The following C1GALT1 variants were observed in gnomAD, a reference collection of about 807,000 sequenced individuals.
C1GALT1 encodes glycoprotein-N-acetylgalactosamine 3-beta-galactosyltransferase 1.
C1GALT1 carries 11 observed loss-of-function variants against 31.0 expected under a neutral mutation model. That is an observed-to-expected ratio of 0.36 (90% confidence interval 0.22 to 0.59). The LOEUF is 0.59. Among genes scored for constraint, C1GALT1 ranks in the 20% least tolerant of loss-of-function variants. C1GALT1 has a pLI of 0.79. For synonymous variants in C1GALT1, 175 were observed against 143.6 expected (o/e 1.22, Z -1.56); for missense variants, 424 against 425.2 (o/e 1.00, Z 0.03).
At chr7:7,209,235 T>C (rs549725304) in intron 1 of C1GALT1, among the ~76,000 whole-genome samples, 2 of 152,362 alleles carry the variant, frequency 1.3e-5, no homozygotes, top group African/African-American at 4.8e-5. Context: ...GACCTTCCAT[T>C]ATAAGTCGCA....
chr7:7,232,515 C>T (rs1562592944), intron 1 of C1GALT1, among the ~76,000 whole-genome samples: 1 of 141,106 alleles, frequency 7.1e-6, no homozygotes, highest in Non-Finnish European at 1.5e-5. Flanking sequence ...TTTTTTGAGA[C>T]AGAGTCTTGC....
chr7:7,229,483 T>G (rs969188860), intron 1 of C1GALT1, among the ~76,000 whole-genome samples: 4 of 152,194 alleles, frequency 2.6e-5, no homozygotes, highest in African/African-American at 9.7e-5. Context: ...TACTTTCATA[T>G]CACATACCTC....
At chr7:7,158,034 A>G (rs1780292550) in intron 2 of C1GALT1, among the ~76,000 whole-genome samples, 1 of 152,204 alleles carries the variant, frequency 6.6e-6, no homozygotes, top group African/African-American at 2.4e-5. Flanking sequence ...TTAACTTAGC[A>G]GTACATTCCT....
chr7:7,205,472 A>G (rs903287342), intron 1 of C1GALT1, among the ~76,000 whole-genome samples: 4 of 152,146 alleles, frequency 2.6e-5, no homozygotes, highest in Non-Finnish European at 5.9e-5. Context: ...ATAATCATGA[A>G]TGCCTTCATT....
intron 1 of C1GALT1, among the ~76,000 whole-genome samples, chr7:7,206,963 T>C (rs1189681509): frequency 6.6e-6 from 1 of 152,136 alleles, no homozygotes; most frequent in Non-Finnish European, 1.5e-5. Flanking sequence ...CTACTTGGAG[T>C]CTTTTTCAGC....
At chr7:7,227,783 A>C (rs1165689852) in intron 1 of C1GALT1, among the ~76,000 whole-genome samples, 1 of 151,640 alleles carries the variant, frequency 6.6e-6, no homozygotes, top group Non-Finnish European at 1.5e-5. Context: ...CGTATCCCTC[A>C]TGCCATGTGA....
rs571235813 is a variant in C1GALT1 at position 7,244,636 on chromosome 7, A to G, written c.*909A>G. The G allele has an allele frequency of 6.6e-6, 1 of 152,274 alleles. No homozygotes were observed. The highest frequency in any genetic ancestry group is 2.1e-4 in the South Asian group (1 of 4,826). 9.4% of individuals were successfully genotyped at this position (152,274 alleles called of 1,614,324 possible). A position where few individuals can be genotyped will look rare whatever the true frequency, so the allele number is the denominator to read the frequency against. On this transcript the variant is annotated 3_prime_UTR_variant, in exon 4 of 4. Transcript: ENST00000436587. ...CAGGAATTACTAAGTGACATTTTAAATTGATATTTTAAACTCTTTCCAACT... is the reference window on the plus strand; with the variant it reads ...CAGGAATTACTAAGTGACATTTTAAGTTGATATTTTAAACTCTTTCCAACT...
chr7:7,208,427 G>C (rs533938747), intron 1 of C1GALT1, among the ~76,000 whole-genome samples: 1 of 152,082 alleles, frequency 6.6e-6, no homozygotes, highest in Non-Finnish European at 1.5e-5. Flanking sequence ...CATCCACTGG[G>C]GTTCTGGGAA....
rs776762746 is a variant in C1GALT1, at chr7:7,243,515, C to T, written c.889-9C>T. 6 of 1,581,154 alleles carry T rather than the reference C, an allele frequency of 3.8e-6. No homozygotes were observed. The East Asian group carries it at 9.0e-5, about 24-fold the overall frequency. On this transcript the variant is annotated splice_polypyrimidine_tract_variant and intron_variant, in intron 3 of 3. Coordinates refer to ENST00000436587, the MANE Select transcript of C1GALT1 (RefSeq NM_020156.5). ...TTATTAACAATACCTGTTTCCACTA[C>T]TTTTTTAGGGTCCTGGTTGCTGCTC...
chr7:7,188,993 CTA>C (rs1254444524), intron 1 of C1GALT1, among the ~76,000 whole-genome samples: 1 of 152,096 alleles, frequency 6.6e-6, no homozygotes, highest in East Asian at 1.9e-4. Context: ...TCTTTTCTGT[CTA>C]TGATTTTCTT....
intron 1 of C1GALT1, among the ~76,000 whole-genome samples, chr7:7,192,503 G>GGT (rs1002491521): frequency 9.9e-5 from 15 of 151,546 alleles, no homozygotes; most frequent in East Asian, 1.9e-4. Flanking sequence ...AGTATTCCGT[G>GGT]GTGTGTGTGT....
intron 3 of C1GALT1, 136 bp downstream of exon 3, chr7:7,239,058 G>A (rs755778746): frequency 4.9e-5 from 35 of 711,786 alleles, no homozygotes; most frequent in Non-Finnish European, 7.3e-5. Flanking sequence ...TAGAGTGGCA[G>A]TATAACAAAA....
intron 1 of C1GALT1, among the ~76,000 whole-genome samples, chr7:7,207,864 G>C (rs1781821663): frequency 6.6e-6 from 1 of 151,426 alleles, no homozygotes; most frequent in Non-Finnish European, 1.5e-5. Flanking sequence ...GGTATTTTCA[G>C]GTCTTTTCTG....
rs575637955 is a variant in C1GALT1 at position 7,241,613 on chromosome 7, G to A, written c.889-1911G>A. Among the ~76,000 whole-genome samples, 17 of 152,006 alleles carry A rather than the reference G, an allele frequency of 1.1e-4. No individual in the cohort carries two copies. The South Asian group carries it at 3.5e-3, about 32-fold the overall frequency. ...TTTTATAAACTATTTCCATAGGTAT[G>A]CAATATTTTTGTTACTGTTCTACTT... On this transcript the variant is annotated intron_variant, in intron 3 of 3. Coordinates refer to ENST00000436587, the MANE Select transcript of C1GALT1 (RefSeq NM_020156.5).
Position 7,238,670 on chromosome 7 carries a change from A to G in C1GALT1, c.636A>G (p.Gly212=). 6.2e-7 allele frequency: 1 copy of G among 1,614,088 alleles called. No individual in the cohort carries two copies. Among genetic ancestry groups the G allele is most frequent in the African/African-American group, 1.3e-5 (1 of 75,054 alleles). ...AGGGCTACATGAGTGGAGGAGCAGG[A>G]TATGTACTAAGCAAAGAAGCCTTGA... ...VKQGYMSGGA[G]YVLSKEALKR... The change falls in exon 3 of 4, where the codon GGA becomes GGG. Residue 212 remains glycine (G), a synonymous_variant. Coordinates refer to ENST00000436587, the MANE Select transcript of C1GALT1 (RefSeq NM_020156.5). The surrounding 1 kb of genome is among the most constrained non-coding windows in gnomAD (Gnocchi z 5.2).
At chr7:7,240,804 AATTCTATT>A (rs1395349255) in intron 3 of C1GALT1, among the ~76,000 whole-genome samples, 1 of 152,048 alleles carries the variant, frequency 6.6e-6, no homozygotes, top group Non-Finnish European at 1.5e-5. Flanking sequence ...GTGAAACTAA[AATTCTATT>A]ATTATCCATC....
rs576890599 is a variant in C1GALT1, at chr7:7,228,491, C to CT, written c.-17-5807dup. Among the ~76,000 whole-genome samples the CT allele has an allele frequency of 1.2e-3, 186 of 152,192 alleles. 2 individuals carry two copies. The East Asian group carries it at 0.028, about 23-fold the overall frequency. On this transcript the variant is annotated intron_variant, in intron 1 of 3. Coordinates refer to ENST00000436587, the MANE Select transcript of C1GALT1 (RefSeq NM_020156.5). ...AATGTGCAGTGTGGTTAAGCTGTGT[C>CT]TTTTTCCAGTCTAGTCTACCTCAAC...
chr7:7,196,577 C>T (rs907606096), intron 1 of C1GALT1, among the ~76,000 whole-genome samples: 3 of 152,050 alleles, frequency 2.0e-5, no homozygotes, highest in Admixed American at 1.3e-4. Context: ...GGGTATATGC[C>T]CAGTAATGGG....
intron 2 of C1GALT1, among the ~76,000 whole-genome samples, chr7:7,160,551 G>A (rs1780323605): frequency 6.6e-6 from 1 of 152,110 alleles, no homozygotes; most frequent in Non-Finnish European, 1.5e-5. Flanking sequence ...TGCAGAGACA[G>A]ATATTTAGAA....
Sources: allele counts gnomAD v4.1 joint callset (sites outside exome capture counted in the v4.1 genomes callset), GRCh38; gene constraint gnomAD v4.1.1; non-coding constraint Gnocchi (gnomAD v3.1); transcripts MANE v1.5; gene names NCBI Gene and HGNC (gene_info 2026-07-23, HGNC 2026-07-21).